SLC17A4: variants seen among roughly 807,000 people sequenced by gnomAD.
SLC17A4 encodes probable small intestine urate exporter.
A neutral mutation model predicts 52.5 loss-of-function variants in SLC17A4; 33 were observed. That is an observed-to-expected ratio of 0.63 (90% CI 0.48 to 0.84). The LOEUF (loss-of-function observed/expected upper bound fraction) is 0.84, where lower values mean the gene tolerates loss of function less well. Among genes scored for constraint, SLC17A4 ranks in the 40% least tolerant of loss-of-function variants. The pLI is 0.00. For missense variants in SLC17A4, 585 were observed against 597.1 expected (o/e 0.98, Z 0.21); for synonymous variants, 225 against 216.2 (o/e 1.04, Z -0.36).
At chr6:25,760,380 G>T (rs35479256) in intron 1 of SLC17A4, among the ~76,000 whole-genome samples, 1 of 151,928 alleles carries the variant, frequency 6.6e-6, no homozygotes, top group Non-Finnish European at 1.5e-5. Flanking sequence ...ATCTTCTATG[G>T]TATCTATTAT....
Position 25,776,888 on chromosome 6 carries a change from G to A in SLC17A4, c.1197G>A (p.Leu399=). ...GCCACAGCATGACCATGACCTTCTT[G>A]GTGCTGTCTTCTGCCATCAGCAGCT... ...RSSHSMTMTF[L]VLSSAISSFC... is the part of the protein sequence containing the mutation. The change falls in exon 10 of 12, where the codon TTG becomes TTA. Residue 399 remains leucine (L), a synonymous_variant. Coordinates refer to ENST00000377905, the MANE Select transcript of SLC17A4 (RefSeq NM_005495.3). 1 of 1,613,880 alleles carries A rather than the reference G, an allele frequency of 6.2e-7. No homozygotes were observed. Among genetic ancestry groups the A allele is most frequent in the Non-Finnish European group, 8.5e-7 (1 of 1,179,852 alleles).
intron 2 of SLC17A4, among the ~76,000 whole-genome samples, chr6:25,767,173 T>A (rs2151434710): frequency 6.6e-6 from 1 of 152,282 alleles, no homozygotes. Context: ...AGCTTATAAC[T>A]TTTAAAAAAG....
chr6:25,760,602 T>C (rs1325887019), intron 1 of SLC17A4, among the ~76,000 whole-genome samples: 1 of 152,172 alleles, frequency 6.6e-6, no homozygotes, highest in Non-Finnish European at 1.5e-5. Context: ...GAAGTCCTAT[T>C]CAACATACAT....
At position 25,766,284 on chromosome 6, in the gene SLC17A4, AAC is replaced by A. The variant is rs770525028; in HGVS notation, c.92-2697_92-2696del. On this transcript the variant is annotated intron_variant, in intron 2 of 11. Transcript: ENST00000377905. Reference sequence around the variant, plus strand: ...TCAAAAAGTTATTCCTTTTAAAACAAACACAGAAACAAACAAATATATTCTAG... The same window carrying A: ...TCAAAAAGTTATTCCTTTTAAAACAAACAGAAACAAACAAATATATTCTAG... Among the ~76,000 whole-genome samples, 19 of 152,016 alleles carry A rather than the reference AAC, an allele frequency of 1.2e-4. 1 individual carries two copies. The highest frequency in any genetic ancestry group is 2.4e-4 in the Non-Finnish European group (16 of 67,966).
chr6:25,756,241 G>A (rs948804475), intron 1 of SLC17A4, among the ~76,000 whole-genome samples: 2 of 152,054 alleles, frequency 1.3e-5, no homozygotes, highest in Non-Finnish European at 2.9e-5. Context: ...CATTCACTCT[G>A]CATCGCCATG....
At chr6:25,777,233 A>T (rs1181361953) in intron 10 of SLC17A4, 2 of 388,918 alleles carry the variant, frequency 5.1e-6, no homozygotes, top group Non-Finnish European at 4.6e-6. Flanking sequence ...CTGTTGAGGA[A>T]TGCAGCACTT....
intron 8 of SLC17A4, among the ~76,000 whole-genome samples, chr6:25,774,532 A>G (rs1055709695): frequency 6.6e-6 from 1 of 152,184 alleles, no homozygotes; most frequent in Non-Finnish European, 1.5e-5. Flanking sequence ...AAGCCCCAGG[A>G]GGCAGTGGCT....
chr6:25,773,637 C>T lies in SLC17A4; in HGVS notation c.950C>T (p.Thr317Met), dbSNP rs770658186. 19 of 1,613,676 alleles carry T rather than the reference C, an allele frequency of 1.2e-5. No homozygotes were observed. The highest frequency in any genetic ancestry group is 4.5e-5 in the East Asian group (2 of 44,882). The change falls in exon 8 of 12, where the codon ACG (threonine) becomes ATG (methionine). Residue 317 changes from threonine (T) to methionine (M), a missense_variant. By Grantham distance (81) the Thr-to-Met change is moderately conservative (BLOSUM62 -1). Coordinates refer to ENST00000377905, the MANE Select transcript of SLC17A4 (RefSeq NM_005495.3). ...TATACCATTATGGCGTACACACCAA[C>T]GTACATCAGCTCGGTACTTCAAGCC... is the stretch of plus-strand genomic sequence containing the variant. ...LFYTIMAYTP[T>M]YISSVLQANL...
In SLC17A4 at chr6:25,779,214, T is replaced by G; in HGVS notation, c.*26T>G. 1 of 1,611,412 alleles carries G rather than the reference T, an allele frequency of 6.2e-7. No homozygotes were observed. Among genetic ancestry groups the G allele is most frequent in the Non-Finnish European group, 8.5e-7 (1 of 1,178,570 alleles). On this transcript the variant is annotated 3_prime_UTR_variant, in exon 12 of 12. Transcript: ENST00000377905. ...GCAAACCGAGAGATGTGCTAGATCCTGGTGCTTAGTTCATCATTGTTTTCC... is the reference window on the plus strand; with the variant it reads ...GCAAACCGAGAGATGTGCTAGATCCGGGTGCTTAGTTCATCATTGTTTTCC...
intron 2 of SLC17A4, among the ~76,000 whole-genome samples, chr6:25,765,406 CA>C (rs1334929808): frequency 1.3e-5 from 2 of 152,214 alleles, no homozygotes; most frequent in African/African-American, 4.8e-5. Flanking sequence ...GATGAAGTAA[CA>C]CATCTTAATC....
At chr6:25,766,749 C>T (rs906602950) in intron 2 of SLC17A4, among the ~76,000 whole-genome samples, 1 of 152,170 alleles carries the variant, frequency 6.6e-6, no homozygotes, top group African/African-American at 2.4e-5. Context: ...CACAAAACAC[C>T]TGACTGGTGC....
At chr6:25,778,086 C>A in intron 11 of SLC17A4, 70 bp downstream of exon 11, 1 of 1,157,832 alleles carries the variant, frequency 8.6e-7, no homozygotes, top group Non-Finnish European at 1.3e-6. Context: ...CACATATGCA[C>A]GGCCTTGTAT....
intron 1 of SLC17A4, among the ~76,000 whole-genome samples, chr6:25,755,571 A>T (rs2151405838): frequency 6.6e-6 from 1 of 152,332 alleles, no homozygotes; most frequent in East Asian, 1.9e-4. Flanking sequence ...AGTCTTGGCA[A>T]GAAAAACTGA....
Position 25,776,959 on chromosome 6 carries a change from G to A in SLC17A4, c.1268G>A (p.Arg423Gln), listed in dbSNP as rs765869516. The part of the protein sequence containing the change: ...ALVNFLDIAP[R>Q]YTGFLKGLLQ... ...GTTAACTTCTTGGATATTGCTCCTCGGTAGGGACCTCTTTTGCCTCATCCT... is the reference window on the plus strand; with the variant it reads ...GTTAACTTCTTGGATATTGCTCCTCAGTAGGGACCTCTTTTGCCTCATCCT... Residue 423 changes from arginine to glutamine, a missense_variant and splice_region_variant, in exon 10 of 12, where the codon CGG (arginine) becomes CAG (glutamine). Arg to Gln is a conservative substitution (Grantham distance 43). Coordinates refer to ENST00000377905, the MANE Select transcript of SLC17A4 (RefSeq NM_005495.3). 9.9e-6 allele frequency: 16 copies of A among 1,608,516 alleles called. No individual in the cohort carries two copies. The African/African-American group carries it at 1.2e-4, about 12-fold the overall frequency.
At chr6:25,770,689 C>G (rs188964278) in intron 5 of SLC17A4, among the ~76,000 whole-genome samples, 1 of 152,268 alleles carries the variant, frequency 6.6e-6, no homozygotes, top group Non-Finnish European at 1.5e-5. Context: ...TCATCTTATC[C>G]TCAAAATAAT....
chr6:25,764,430 A>G (rs1479244518), intron 2 of SLC17A4, among the ~76,000 whole-genome samples: 10 of 152,252 alleles, frequency 6.6e-5, no homozygotes, highest in Admixed American at 5.9e-4. Context: ...TCTGAAAGCC[A>G]TGGAAATGAA....
intron 9 of SLC17A4, 28 bp downstream of exon 9, chr6:25,776,755 A>C (rs1762954437): frequency 6.2e-7 from 1 of 1,613,784 alleles, no homozygotes; most frequent in Non-Finnish European, 8.5e-7. Context: ...CACAGGGGTG[A>C]ACGTGGGAAG....
intron 1 of SLC17A4, among the ~76,000 whole-genome samples, chr6:25,760,555 A>G (rs1440153474): frequency 2.0e-5 from 3 of 152,076 alleles, no homozygotes; most frequent in African/African-American, 7.2e-5. Context: ...TTCCTAAAGT[A>G]TTGCCTTTTC....
At position 25,773,537 on chromosome 6, in the gene SLC17A4, C is replaced by T. The variant is rs757729766; in HGVS notation, c.850C>T (p.Pro284Ser). Residue 284 changes from proline (P) to serine (S), a missense_variant, in exon 8 of 12, where the codon CCC becomes TCC. By Grantham distance (74) the Pro-to-Ser change is moderately conservative (BLOSUM62 -1). Transcript: ENST00000377905. Reference sequence around the variant, plus strand: ...GGACTGTTCACCAGGCTGGTCTCTTCCCATTAGGGCTATGATCAAATCCTT... The same window carrying T: ...GGACTGTTCACCAGGCTGGTCTCTTTCCATTAGGGCTATGATCAAATCCTT... ...QQDCSPGWSL[P>S]IRAMIKSLPL... 15 of 1,613,788 alleles carry T rather than the reference C, an allele frequency of 9.3e-6. No individual in the cohort carries two copies. The highest frequency in any genetic ancestry group is 1.3e-5 in the Non-Finnish European group (15 of 1,179,898).
Sources: allele counts gnomAD v4.1 joint callset (sites outside exome capture counted in the v4.1 genomes callset), GRCh38; gene constraint gnomAD v4.1.1; transcripts MANE v1.5; gene names NCBI Gene and HGNC (gene_info 2026-07-23, HGNC 2026-07-21).